PTPRK: variants seen among roughly 807,000 people sequenced by gnomAD.
PTPRK encodes protein tyrosine phosphatase receptor type K, also known as receptor-type tyrosine-protein phosphatase kappa.
In PTPRK, 75 loss-of-function variants were observed where a neutral mutation model predicts 178.0. The ratio of observed to expected loss-of-function variants is 0.42; its 90% CI spans 0.35 to 0.51. The LOEUF (loss-of-function observed/expected upper bound fraction) is 0.51, where lower values mean the gene tolerates loss of function less well. Ranked by LOEUF, PTPRK falls within the 20% of genes least tolerant of loss-of-function variation. The pLI is 0.02. For missense variants in PTPRK, 1,441 were observed against 1,797.8 expected (o/e 0.80, Z 3.59); for synonymous variants, 637 against 620.6 (o/e 1.03, Z -0.39).
intron 13 of PTPRK, among the ~76,000 whole-genome samples, chr6:128,054,161 A>G (rs2114886346): frequency 1.3e-5 from 2 of 152,348 alleles, no homozygotes; most frequent in South Asian, 4.1e-4. Context: ...TGAATGAGAC[A>G]GAAAACTTTT....
chr6:128,218,889 C>G lies in PTPRK; in HGVS notation c.868+33G>C, dbSNP rs949240924. The G allele has an allele frequency of 1.9e-6, 3 of 1,564,976 alleles. No individual in the cohort carries two copies. In the Admixed American group the frequency reaches 5.3e-5, roughly 28 times the overall value. On this transcript the variant is annotated intron_variant, in intron 6 of 29. Coordinates refer to ENST00000368226, the MANE Select transcript of PTPRK (RefSeq NM_002844.4). The stretch of plus-strand genomic sequence containing the variant: ...TTGCTTTTGTTCTAATAAAGCCATG[C>G]AATTTCGTGAAGTGAAAACAATTTC...
intron 13 of PTPRK, among the ~76,000 whole-genome samples, chr6:128,059,124 T>C (rs1190976526): frequency 1.3e-5 from 2 of 152,150 alleles, no homozygotes; most frequent in South Asian, 4.1e-4. Context: ...TAGCCTTGCA[T>C]ATTCTTATTC....
At chr6:128,350,220 C>G (rs1293150850) in intron 2 of PTPRK, among the ~76,000 whole-genome samples, 1 of 152,074 alleles carries the variant, frequency 6.6e-6, no homozygotes, top group Non-Finnish European at 1.5e-5. Flanking sequence ...TTTTACAGGG[C>G]ACCCATGGGC....
intron 13 of PTPRK, among the ~76,000 whole-genome samples, chr6:128,034,397 G>C (rs1775857005): frequency 6.6e-6 from 1 of 152,184 alleles, no homozygotes; most frequent in South Asian, 2.1e-4. Context: ...ACTTCCCTTT[G>C]CTAAGGAAAA....
chr6:128,008,342 T>A (rs370827237), intron 14 of PTPRK, among the ~76,000 whole-genome samples: 105 of 140,728 alleles, frequency 7.5e-4, no homozygotes, highest in African/African-American at 2.1e-3. Flanking sequence ...ATATTTTTTT[T>A]AAAAGTCCTT....
chr6:128,039,686 G>T (rs1395117528), intron 13 of PTPRK, among the ~76,000 whole-genome samples: 1 of 152,164 alleles, frequency 6.6e-6, no homozygotes, highest in Non-Finnish European at 1.5e-5. Flanking sequence ...CAGAGCTGGG[G>T]AACTGTCATG....
Position 128,322,289 on chromosome 6 carries a change from G to A in PTPRK, c.245C>T (p.Ser82Phe), listed in dbSNP as rs1828906075. The A allele has an allele frequency of 6.3e-7, 1 of 1,592,316 alleles. No individual in the cohort carries two copies. Among genetic ancestry groups the A allele is most frequent in the Non-Finnish European group, 8.6e-7 (1 of 1,160,374 alleles). Reference protein sequence around the residue: ...MPQGSYMIVDSSDHDPGEKAR... With the variant: ...MPQGSYMIVDFSDHDPGEKAR... ...TTTTTCTCCAGGGTCGTGATCTGAAGAGTCCACTATCATATAGGAACCTGA... is the reference window on the plus strand; with the variant it reads ...TTTTTCTCCAGGGTCGTGATCTGAAAAGTCCACTATCATATAGGAACCTGA... The change falls in exon 3 of 30, where the codon TCT (serine) becomes TTT (phenylalanine). Residue 82 changes from serine (S) to phenylalanine (F), a missense_variant. Ser to Phe is a radical substitution (Grantham distance 155). Coordinates refer to ENST00000368226, the MANE Select transcript of PTPRK (RefSeq NM_002844.4).
intron 7 of PTPRK, among the ~76,000 whole-genome samples, chr6:128,164,101 G>T (rs77524644): frequency 0.022 from 3,298 of 151,370 alleles, 100 homozygotes; most frequent in African/African-American, 0.045. Context: ...AGATACCCCA[G>T]CACCAACTCT....
intron 7 of PTPRK, among the ~76,000 whole-genome samples, chr6:128,137,624 C>T (rs377289245): frequency 2.0e-5 from 3 of 152,072 alleles, no homozygotes; most frequent in South Asian, 4.1e-4. Context: ...GGGCTGCTAG[C>T]CAGACACCAC....
At chr6:128,183,638 A>G (rs1430841849) in intron 7 of PTPRK, among the ~76,000 whole-genome samples, 1 of 152,314 alleles carries the variant, frequency 6.6e-6, no homozygotes, top group African/African-American at 2.4e-5. Flanking sequence ...TGATAAACAG[A>G]TGCTCAAGAA....
intron 3 of PTPRK, among the ~76,000 whole-genome samples, chr6:128,275,228 A>G (rs1442368665): frequency 6.6e-6 from 1 of 152,086 alleles, no homozygotes; most frequent in African/African-American, 2.4e-5. Context: ...AGAGAGAATG[A>G]GGATTTGAAC....
chr6:128,367,789 C>T (rs1835723343), intron 2 of PTPRK, among the ~76,000 whole-genome samples: 1 of 152,236 alleles, frequency 6.6e-6, no homozygotes, highest in African/African-American at 2.4e-5. Context: ...ACATCAAACA[C>T]AGGTTTCTTA....
intron 1 of PTPRK, among the ~76,000 whole-genome samples, chr6:128,487,290 C>G (rs1853081848): frequency 6.6e-6 from 1 of 150,478 alleles, no homozygotes; most frequent in African/African-American, 2.4e-5. Flanking sequence ...ACCGAAAGTC[C>G]CTCCAGGACT....
At chr6:128,299,694 T>C (rs1825210972) in intron 3 of PTPRK, among the ~76,000 whole-genome samples, 1 of 152,084 alleles carries the variant, frequency 6.6e-6, no homozygotes, top group South Asian at 2.1e-4. Context: ...ACTGGATCCC[T>C]TCCTTACACC....
chr6:128,094,126 T>C (rs189647808), intron 7 of PTPRK, among the ~76,000 whole-genome samples: 1 of 152,256 alleles, frequency 6.6e-6, no homozygotes, highest in East Asian at 1.9e-4. Context: ...TGTACAAGTA[T>C]CATATAGGAG....
intron 7 of PTPRK, among the ~76,000 whole-genome samples, chr6:128,095,620 G>T (rs1035344113): frequency 4.6e-5 from 7 of 152,136 alleles, no homozygotes; most frequent in African/African-American, 1.7e-4. Flanking sequence ...AAAAAGCTAT[G>T]ACATAGGACT....
At chr6:128,120,826 A>G (rs1337305230) in intron 7 of PTPRK, among the ~76,000 whole-genome samples, 1 of 151,900 alleles carries the variant, frequency 6.6e-6, no homozygotes, top group Non-Finnish European at 1.5e-5. Context: ...ATTATGGCAT[A>G]TTTCACTAAA....
chr6:128,196,223 T>C (rs1003846654), intron 6 of PTPRK, among the ~76,000 whole-genome samples: 1 of 152,092 alleles, frequency 6.6e-6, no homozygotes, highest in Non-Finnish European at 1.5e-5. Context: ...ATGGTTACTA[T>C]AAGGACTTCT....
At chr6:128,491,721 TC>T (rs2128429719) in intron 1 of PTPRK, 1 of 501,300 alleles carries the variant, frequency 2.0e-6, no homozygotes, top group Non-Finnish European at 4.0e-6. Flanking sequence ...TCATTTTTTT[TC>T]TCTTGTTACC....
Sources: allele counts gnomAD v4.1 joint callset (sites outside exome capture counted in the v4.1 genomes callset), GRCh38; gene constraint gnomAD v4.1.1; transcripts MANE v1.5; gene names NCBI Gene and HGNC (gene_info 2026-07-23, HGNC 2026-07-21).